Variants in MAF observed in about 807,000 individuals in gnomAD.
MAF encodes the protein MAF bZIP transcription factor.
In MAF, 10 loss-of-function variants were observed where a neutral mutation model predicts 22.0. That is an observed-to-expected ratio of 0.45 (90% CI 0.28 to 0.77). The LOEUF (loss-of-function observed/expected upper bound fraction) is 0.77. MAF is among the 30% of genes least tolerant of loss of function. The pLI is 0.12. For synonymous variants in MAF, 337 were observed against 255.8 expected (o/e 1.32, Z -3.03); for missense variants, 544 against 548.4 (o/e 0.99, Z 0.08).
chr16:79,457,576 A>G, the MAF span, among the ~76,000 whole-genome samples: 1 of 152,118 alleles, frequency 6.6e-6, no homozygotes, highest in Non-Finnish European at 1.5e-5. Context: ...AAACCAATAT[A>G]CTTGATGAGC....
the MAF span, among the ~76,000 whole-genome samples, chr16:79,347,046 A>C: frequency 1.4e-4 from 21 of 152,336 alleles, no homozygotes; most frequent in East Asian, 3.9e-3. Context: ...TGTGACCCTG[A>C]GAAAGCTCCT....
At chr16:79,521,216 A>G in the MAF span, among the ~76,000 whole-genome samples, 1 of 152,212 alleles carries the variant, frequency 6.6e-6, no homozygotes, top group Admixed American at 6.5e-5. Context: ...CACAGTACAT[A>G]CTTTCCCTAT....
chr16:79,359,626 C>T, the MAF span, among the ~76,000 whole-genome samples: 13 of 152,164 alleles, frequency 8.5e-5, no homozygotes, highest in African/African-American at 1.2e-4. Flanking sequence ...TAAATCATTA[C>T]GGAAATCAAT....
At chr16:79,448,904 A>T in the MAF span, among the ~76,000 whole-genome samples, 1 of 152,134 alleles carries the variant, frequency 6.6e-6, no homozygotes, top group African/African-American at 2.4e-5. Flanking sequence ...TGGTTTGGGG[A>T]TGCTTCAAGC....
the MAF span, among the ~76,000 whole-genome samples, chr16:79,463,679 G>C: frequency 6.6e-6 from 1 of 152,118 alleles, no homozygotes; most frequent in East Asian, 1.9e-4. Flanking sequence ...TTGACACCTA[G>C]GTTGGCATTG....
the MAF span, among the ~76,000 whole-genome samples, chr16:79,384,017 G>T: frequency 3.3e-5 from 5 of 152,196 alleles, no homozygotes; most frequent in African/African-American, 1.2e-4. Flanking sequence ...AACCAGGTGT[G>T]ACGTTACCAA....
At chr16:79,425,068 C>T in the MAF span, among the ~76,000 whole-genome samples, 3 of 152,024 alleles carry the variant, frequency 2.0e-5, no homozygotes, top group African/African-American at 7.2e-5. Context: ...CAATTTTTAT[C>T]GTAGCCTTTT....
chr16:79,591,721 C>T (rs1036606484), downstream of MAF, among the ~76,000 whole-genome samples: 1 of 152,174 alleles, frequency 6.6e-6, no homozygotes, highest in South Asian at 2.1e-4. Flanking sequence ...GGCAGACTTA[C>T]GGAAAACACA....
Position 79,594,202 on chromosome 16 carries a change from T to G in MAF, c.*258A>C. 1 of 465,468 alleles carries G rather than the reference T, an allele frequency of 2.1e-6. No homozygotes were observed. Among genetic ancestry groups the G allele is most frequent in the Non-Finnish European group, 3.9e-6 (1 of 256,160 alleles). 28.8% of individuals were successfully genotyped at this position (465,468 alleles called of 1,614,324 possible). On this transcript the variant is annotated 3_prime_UTR_variant, in exon 2 of 2. Coordinates refer to ENST00000326043, the MANE Select transcript of MAF (RefSeq NM_005360.5). ...TTTCAGTGAATTTTTAAAACTAGTATGGCAGGTTGAAAGCAATGCACCTGT... is the reference window on the plus strand; with the variant it reads ...TTTCAGTGAATTTTTAAAACTAGTAGGGCAGGTTGAAAGCAATGCACCTGT...
chr16:79,413,262 A>T, the MAF span, among the ~76,000 whole-genome samples: 5 of 51,180 alleles, frequency 9.8e-5, no homozygotes, highest in South Asian at 5.8e-4. Context: ...TTTTTTTTTG[A>T]GACGGAGTCT....
At chr16:79,351,544 C>G in the MAF span, among the ~76,000 whole-genome samples, 3 of 152,054 alleles carry the variant, frequency 2.0e-5, no homozygotes, top group Non-Finnish European at 4.4e-5. Context: ...AATGATCACC[C>G]AGAATCTCAG....
At chr16:79,406,659 T>C in the MAF span, among the ~76,000 whole-genome samples, 1 of 152,124 alleles carries the variant, frequency 6.6e-6, no homozygotes, top group African/African-American at 2.4e-5. Context: ...TTTCAACATA[T>C]GGATTTGTGG....
At chr16:79,216,323 CAT>C in the MAF span, among the ~76,000 whole-genome samples, 2 of 152,190 alleles carry the variant, frequency 1.3e-5, no homozygotes, top group East Asian at 1.9e-4. Flanking sequence ...ATATGTGGCA[CAT>C]GTGCATATGC....
chr16:79,544,667 G>A, the MAF span, among the ~76,000 whole-genome samples: 12,370 of 151,210 alleles, frequency 0.082, 580 homozygotes, highest in South Asian at 0.14. Context: ...CCAGCTACTC[G>A]GGAGGCTGAG....
the MAF span, among the ~76,000 whole-genome samples, chr16:79,513,666 C>T: frequency 6.6e-6 from 1 of 152,088 alleles, no homozygotes; most frequent in Non-Finnish European, 1.5e-5. Context: ...TTTCCTAATC[C>T]ATAAAATGGA....
At chr16:79,468,889 C>G in the MAF span, among the ~76,000 whole-genome samples, 1 of 152,162 alleles carries the variant, frequency 6.6e-6, no homozygotes, top group Non-Finnish European at 1.5e-5. Context: ...ACCTCTTGTA[C>G]TTAATCCTCC....
At chr16:79,214,532 A>C in the MAF span, among the ~76,000 whole-genome samples, 1 of 151,888 alleles carries the variant, frequency 6.6e-6, no homozygotes. Context: ...CAGCCTACCA[A>C]ATAGCTGGGA....
At chr16:79,472,701 T>C in the MAF span, among the ~76,000 whole-genome samples, 1 of 152,046 alleles carries the variant, frequency 6.6e-6, no homozygotes, top group African/African-American at 2.4e-5. Context: ...AGTAGGGCGA[T>C]GGTTGTACAA....
At chr16:79,220,721 T>C in the MAF span, among the ~76,000 whole-genome samples, 920 of 152,292 alleles carry the variant, frequency 6.0e-3, 53 homozygotes, top group East Asian at 0.14. Flanking sequence ...TCAAACAACA[T>C]GAAAATATTT....
Sources: gnomAD v4.1 joint callset for allele counts (sites outside exome capture counted in the v4.1 genomes callset) on GRCh38, gnomAD v4.1.1 for gene constraint, MANE v1.5 for transcripts, NCBI Gene and HGNC (gene_info 2026-07-23, HGNC 2026-07-21) for gene names.